The following DPYD variants were observed in gnomAD, a reference collection of about 807,000 sequenced individuals.
DPYD encodes dihydropyrimidine dehydrogenase, also known as dihydropyrimidine dehydrogenase [NADP(+)].
In DPYD, 109 loss-of-function variants were observed where a neutral mutation model predicts 116.2. That is an observed-to-expected ratio of 0.94 (90% CI 0.80 to 1.10). The LOEUF (loss-of-function observed/expected upper bound fraction) is 1.10, where lower values mean the gene tolerates loss of function less well. Among genes scored for constraint, DPYD ranks in the 50% least tolerant of loss-of-function variants. The probability of loss-of-function intolerance (pLI) is 0.00; values close to 1 mark genes in which losing one functional copy is unlikely to be tolerated. For missense variants in DPYD, 1,302 were observed against 1,254.5 expected, an observed-to-expected ratio of 1.04 and a Z score of -0.57; for synonymous variants, 440 against 432.0, an observed-to-expected ratio of 1.02 and a Z score of -0.23.
chr1:97,816,376 G>A (rs1305995410), intron 3 of DPYD, among the ~76,000 whole-genome samples: 1 of 151,876 alleles, frequency 6.6e-6, no homozygotes, highest in Non-Finnish European at 1.5e-5. Flanking sequence ...AATATGCATT[G>A]ACTAAATTTT....
chr1:97,608,081 C>T (rs1408231782), intron 8 of DPYD, among the ~76,000 whole-genome samples: 4 of 151,784 alleles, frequency 2.6e-5, no homozygotes, highest in African/African-American at 7.3e-5. Context: ...GGGAAGTATT[C>T]TAGTGGCAAT....
chr1:97,315,877 C>G (rs1028134405), intron 16 of DPYD, among the ~76,000 whole-genome samples: 4 of 151,802 alleles, frequency 2.6e-5, no homozygotes, highest in Middle Eastern at 6.3e-3. Context: ...TAATTTTTTT[C>G]CTAGAAAAAG....
intron 3 of DPYD, among the ~76,000 whole-genome samples, chr1:97,791,266 A>G (rs1461493868): frequency 6.6e-6 from 1 of 152,204 alleles, no homozygotes; most frequent in Non-Finnish European, 1.5e-5. Context: ...TCATTTCCAA[A>G]TGTCCATACA....
At chr1:97,597,733 G>C (rs1460724038) in intron 8 of DPYD, among the ~76,000 whole-genome samples, 1 of 152,172 alleles carries the variant, frequency 6.6e-6, no homozygotes, top group Non-Finnish European at 1.5e-5. Context: ...TGCACAATCA[G>C]CTCCTACTTG....
At chr1:97,477,486 G>C (rs1678032688) in intron 13 of DPYD, among the ~76,000 whole-genome samples, 1 of 152,072 alleles carries the variant, frequency 6.6e-6, no homozygotes, top group South Asian at 2.1e-4. Flanking sequence ...TGAATACTTA[G>C]AGGCTACTGT....
At chr1:97,386,283 C>CT (rs34553460) in intron 14 of DPYD, among the ~76,000 whole-genome samples, 137,366 of 148,410 alleles carry the variant, frequency 0.93, 64,175 homozygotes, top group East Asian at 1. Context: ...AAAGTTAAAA[C>CT]TTTTTTTTTT....
chr1:97,456,924 T>C (rs987313113), intron 13 of DPYD, among the ~76,000 whole-genome samples: 3 of 152,070 alleles, frequency 2.0e-5, no homozygotes, highest in South Asian at 4.1e-4. Context: ...AGATCAAAAT[T>C]CTAAGAATGC....
At chr1:97,118,018 G>T (rs1009858456) in intron 20 of DPYD, among the ~76,000 whole-genome samples, 6 of 152,080 alleles carry the variant, frequency 3.9e-5, no homozygotes, top group Admixed American at 2.0e-4. Context: ...TGCGTTTGAG[G>T]TAACAGTAGA....
intron 19 of DPYD, among the ~76,000 whole-genome samples, chr1:97,210,013 G>T (rs1462646303): frequency 6.6e-6 from 1 of 152,076 alleles, no homozygotes; most frequent in East Asian, 1.9e-4. Flanking sequence ...ATTATGTGGG[G>T]CATGACCATA....
intron 1 of DPYD, among the ~76,000 whole-genome samples, chr1:97,908,613 C>T (rs906946195): frequency 2.6e-5 from 4 of 152,034 alleles, no homozygotes; most frequent in African/African-American, 7.2e-5. Context: ...GTTCTTCCAC[C>T]CCACTGCAGC....
intron 19 of DPYD, among the ~76,000 whole-genome samples, chr1:97,200,142 A>G (rs139051718): frequency 6.4e-4 from 98 of 152,318 alleles, no homozygotes; most frequent in African/African-American, 2.3e-3. Context: ...ATTTTAAAAT[A>G]TAACAAAGTT....
intron 20 of DPYD, among the ~76,000 whole-genome samples, chr1:97,107,269 T>C (rs185750890): frequency 2.0e-5 from 3 of 152,228 alleles, no homozygotes; most frequent in East Asian, 1.9e-4. Context: ...TAAAATTACA[T>C]AGGAACTTTG....
intron 14 of DPYD, among the ~76,000 whole-genome samples, chr1:97,417,621 T>C (rs1266507652): frequency 6.6e-6 from 1 of 152,226 alleles, no homozygotes; most frequent in Non-Finnish European, 1.5e-5. Context: ...TGTTGCCTGA[T>C]ATATTTGATT....
At chr1:97,757,895 A>G (rs1293962825) in intron 3 of DPYD, among the ~76,000 whole-genome samples, 1 of 152,194 alleles carries the variant, frequency 6.6e-6, no homozygotes, top group Non-Finnish European at 1.5e-5. Flanking sequence ...TATTTTCTAC[A>G]TAGTGTTACC....
At chr1:97,496,361 A>T (rs1173075452) in intron 13 of DPYD, among the ~76,000 whole-genome samples, 1 of 152,040 alleles carries the variant, frequency 6.6e-6, no homozygotes. Flanking sequence ...TTTGTCAATG[A>T]ACATGTTCAT....
chr1:97,886,517 A>G (rs533016130), intron 1 of DPYD, among the ~76,000 whole-genome samples: 15 of 152,186 alleles, frequency 9.9e-5, no homozygotes, highest in African/African-American at 3.4e-4. Flanking sequence ...AGGAAGAGCA[A>G]GCTGAGAGGA....
intron 14 of DPYD, among the ~76,000 whole-genome samples, chr1:97,438,257 G>C (rs942454052): frequency 2.0e-5 from 3 of 151,932 alleles, no homozygotes; most frequent in Admixed American, 2.0e-4. Context: ...CACAAAAAAG[G>C]TTTGCTAATA....
chr1:97,478,577 C>T (rs192343093), intron 13 of DPYD, among the ~76,000 whole-genome samples: 119 of 152,262 alleles, frequency 7.8e-4, no homozygotes, highest in African/African-American at 2.6e-3. Flanking sequence ...TGAGCCACCA[C>T]GCTCAGCCAA....
chr1:97,861,727 A>G (rs1671127104), intron 2 of DPYD, among the ~76,000 whole-genome samples: 1 of 152,008 alleles, frequency 6.6e-6, no homozygotes, highest in African/African-American at 2.4e-5. Flanking sequence ...GAATGTATTG[A>G]GATATAATTT....
Sources: allele counts gnomAD v4.1 joint callset (sites outside exome capture counted in the v4.1 genomes callset), GRCh38; gene constraint gnomAD v4.1.1; transcripts MANE v1.5; gene names NCBI Gene and HGNC (gene_info 2026-07-23, HGNC 2026-07-21).